RIMBP2: variants seen among roughly 807,000 people sequenced by gnomAD.
The protein encoded by RIMBP2 is RIMS binding protein 2.
Under a neutral mutation model 118.6 loss-of-function variants are expected in RIMBP2, and 48 were observed. The ratio of observed to expected loss-of-function variants is 0.40; its 90% CI spans 0.32 to 0.51. The LOEUF (loss-of-function observed/expected upper bound fraction) is 0.51. Among genes scored for constraint, RIMBP2 ranks in the 20% least tolerant of loss-of-function variants. The pLI is 0.41. For synonymous variants in RIMBP2, 762 were observed against 742.9 expected (o/e 1.03, Z -0.42); for missense variants, 1,551 against 1,768.3 (o/e 0.88, Z 2.20).
intron 1 of RIMBP2, among the ~76,000 whole-genome samples, chr12:130,635,956 G>A (rs1419433804): frequency 6.6e-6 from 1 of 151,934 alleles, no homozygotes; most frequent in African/African-American, 2.4e-5. Context: ...GGAAATCTAT[G>A]TCCCTCCCCT....
rs1397117000 is a variant in RIMBP2 at position 130,523,507 on chromosome 12, T to C, written c.-216-5590A>G. ...TCTCCCGAGGCAGCTCAAGGGCTCG[T>C]CAAGGAAGAAACTGGGTCTTCTGAA... is the stretch of plus-strand genomic sequence containing the variant. On this transcript the variant is annotated intron_variant, in intron 2 of 22. Transcript: ENST00000690449. This position sits in a 1 kb window ranked among gnomAD's most constrained non-coding sequence, Gnocchi z 4.4. Among the ~76,000 whole-genome samples, 1 of 152,158 alleles carries C rather than the reference T, an allele frequency of 6.6e-6. No individual in the cohort carries two copies. The highest frequency in any genetic ancestry group is 1.9e-4 in the East Asian group (1 of 5,194).
At chr12:130,544,735 G>A (rs956649082) in intron 2 of RIMBP2, among the ~76,000 whole-genome samples, 8 of 151,744 alleles carry the variant, frequency 5.3e-5, no homozygotes, top group African/African-American at 1.9e-4. Flanking sequence ...GAGTAACTGG[G>A]ATTACAGGCA....
intron 2 of RIMBP2, among the ~76,000 whole-genome samples, chr12:130,615,151 ATAT>A (rs1184696434): frequency 4.1e-5 from 6 of 146,580 alleles, no homozygotes; most frequent in Non-Finnish European, 7.5e-5. Context: ...GTATATACAT[ATAT>A]ATTATATTGT....
At chr12:130,494,085 A>G (rs1221356358) in intron 4 of RIMBP2, among the ~76,000 whole-genome samples, 1 of 152,176 alleles carries the variant, frequency 6.6e-6, no homozygotes, top group Admixed American at 6.5e-5. Context: ...TGCATGGGTA[A>G]ACTGAGGCTC....
chr12:130,599,354 G>A (rs903145978), intron 2 of RIMBP2, among the ~76,000 whole-genome samples: 2 of 152,120 alleles, frequency 1.3e-5, no homozygotes, highest in African/African-American at 4.8e-5. Context: ...GAAGACATTT[G>A]CAACTAATAT....
intron 1 of RIMBP2, among the ~76,000 whole-genome samples, chr12:130,693,639 C>G (rs2065437664): frequency 6.6e-6 from 1 of 152,194 alleles, no homozygotes; most frequent in South Asian, 2.1e-4. Flanking sequence ...CTTCTCCTTT[C>G]TAACAGAACC....
At chr12:130,474,884 C>T (rs570360807) in intron 5 of RIMBP2, among the ~76,000 whole-genome samples, 202 of 152,314 alleles carry the variant, frequency 1.3e-3, no homozygotes, top group African/African-American at 4.6e-3. Context: ...GTTCTCACAC[C>T]GTCCCACTCC....
intron 1 of RIMBP2, among the ~76,000 whole-genome samples, chr12:130,705,206 C>T (rs2066044642): frequency 6.6e-6 from 1 of 152,146 alleles, no homozygotes; most frequent in African/African-American, 2.4e-5. Flanking sequence ...CTGGAGGATG[C>T]ATGAGTTAGG....
In RIMBP2 at chr12:130,592,699, T is replaced by TGG. The variant is rs1413919005; in HGVS notation, c.-217+35622_-217+35623insCC. Among the ~76,000 whole-genome samples, 8 of 137,334 alleles carry TGG rather than the reference T, an allele frequency of 5.8e-5. No individual in the cohort carries two copies. In the East Asian group the frequency reaches 1.5e-3, roughly 25 times the overall value. 90.1% of individuals were successfully genotyped at this position (137,334 alleles called of 152,430 possible). ...GACTCTGTCAAAAAAAAAAAAAGGA[T>TGG]GCATTGCCCAGCAGGCAGTTACTGA... On this transcript the variant is annotated intron_variant, in intron 2 of 22. Transcript: ENST00000690449.
chr12:130,463,656 G>T (rs2080202610), intron 6 of RIMBP2, among the ~76,000 whole-genome samples: 1 of 152,074 alleles, frequency 6.6e-6, no homozygotes, highest in Non-Finnish European at 1.5e-5. Flanking sequence ...GCAGAACCCA[G>T]GGACGGTCCA....
intron 1 of RIMBP2, among the ~76,000 whole-genome samples, chr12:130,629,419 T>A (rs1404914518): frequency 1.3e-5 from 2 of 152,232 alleles, no homozygotes; most frequent in Non-Finnish European, 2.9e-5. Flanking sequence ...AGAACAGGCA[T>A]GCATAATGTT....
intron 2 of RIMBP2, among the ~76,000 whole-genome samples, chr12:130,600,247 T>C (rs1203763165): frequency 6.6e-6 from 1 of 152,196 alleles, no homozygotes; most frequent in Non-Finnish European, 1.5e-5. Flanking sequence ...TTCACCTTGA[T>C]CAAAACCCAC....
intron 1 of RIMBP2, among the ~76,000 whole-genome samples, chr12:130,662,224 C>A (rs2063694460): frequency 6.6e-6 from 1 of 152,244 alleles, no homozygotes; most frequent in South Asian, 2.1e-4. Context: ...GGGGAGAGGT[C>A]AGTCTGGGGC....
At position 130,517,614 on chromosome 12, in the gene RIMBP2, C is replaced by T. The variant is rs1055492952; in HGVS notation, c.-127+214G>A. On this transcript the variant is annotated intron_variant, in intron 3 of 22. Coordinates refer to ENST00000690449, the MANE Select transcript of RIMBP2 (RefSeq NM_001393629.1). ...AAGATACAGGTGCCTAATAGACTTC[C>T]AAGCAGAGATAACCAGCAGATAGTG... Among the ~76,000 whole-genome samples the T allele has an allele frequency of 5.3e-5, 8 of 152,002 alleles. No individual in the cohort carries two copies. The East Asian group carries it at 1.5e-3, about 29-fold the overall frequency.
intron 2 of RIMBP2, among the ~76,000 whole-genome samples, chr12:130,577,876 C>A (rs903430678): frequency 1.3e-5 from 2 of 152,166 alleles, no homozygotes; most frequent in African/African-American, 2.4e-5. Flanking sequence ...TTATGCGAAA[C>A]AATAGCTATA....
rs1435581191 is a variant in RIMBP2, at chr12:130,703,667, C to T, written c.-352+12555G>A. ...CTGATTAGCGCTCTACATCACCCAC[C>T]GCTCAGCCTCCCCTGGGGTCGGGTG... is the stretch of plus-strand genomic sequence containing the variant. On this transcript the variant is annotated intron_variant, in intron 1 of 22. Transcript: ENST00000690449. This position sits in a 1 kb window ranked among gnomAD's most constrained non-coding sequence, Gnocchi z 5.7. Among the ~76,000 whole-genome samples the T allele has an allele frequency of 6.6e-6, 1 of 152,218 alleles. No individual in the cohort carries two copies. The highest frequency in any genetic ancestry group is 1.5e-5 in the Non-Finnish European group (1 of 68,034).
At chr12:130,711,867 CG>C (rs1566475961) in intron 1 of RIMBP2, among the ~76,000 whole-genome samples, 2 of 152,210 alleles carry the variant, frequency 1.3e-5, no homozygotes, top group African/African-American at 4.8e-5. Flanking sequence ...CACACACGCC[CG>C]GGCCGCACAG....
At chr12:130,466,507 A>T (rs2137766034) in intron 6 of RIMBP2, among the ~76,000 whole-genome samples, 1 of 152,296 alleles carries the variant, frequency 6.6e-6, no homozygotes, top group East Asian at 1.9e-4. Context: ...ATGGCACTGG[A>T]GTTGTGTATG....
At chr12:130,664,447 G>GTGCACGCACA (rs1566439284) in intron 1 of RIMBP2, among the ~76,000 whole-genome samples, 13,806 of 112,846 alleles carry the variant, frequency 0.12, 858 homozygotes, top group East Asian at 0.16. Flanking sequence ...ACGCACACAC[G>GTGCACGCACA]CACACACATG....
Sources: allele counts gnomAD v4.1 joint callset (sites outside exome capture counted in the v4.1 genomes callset), GRCh38; gene constraint gnomAD v4.1.1; non-coding constraint Gnocchi (gnomAD v3.1); transcripts MANE v1.5; gene names NCBI Gene and HGNC (gene_info 2026-07-23, HGNC 2026-07-21).